The following UNC5D variants were observed in gnomAD, a reference collection of about 807,000 sequenced individuals.
UNC5D encodes the protein netrin receptor UNC5D.
Under a neutral mutation model 105.4 loss-of-function variants are expected in UNC5D, and 39 were observed. The ratio of observed to expected loss-of-function variants is 0.37; its 90% CI spans 0.29 to 0.48. The LOEUF is 0.48. Among genes scored for constraint, UNC5D ranks in the 20% least tolerant of loss-of-function variants. The pLI, the probability that UNC5D is intolerant of heterozygous loss-of-function variation, is 0.98. For synonymous variants in UNC5D, 452 were observed against 450.4 expected (o/e 1.00, Z -0.04); for missense variants, 991 against 1,202.4 (o/e 0.82, Z 2.60).
chr8:35,342,859 C>T (rs1811549627), intron 1 of UNC5D, among the ~76,000 whole-genome samples: 1 of 152,116 alleles, frequency 6.6e-6, no homozygotes, highest in South Asian at 2.1e-4. Flanking sequence ...TGTGCTATTT[C>T]AAAGTGTGCT....
chr8:35,683,558 G>T lies in UNC5D; in HGVS notation c.582G>T (p.Leu194=). ...EGVPAAEVEW[L]KNEEPIDSEQ... ...CTTTCTTCCTGTAGGTGGAATGGCT[G>T]AAAAATGAAGAGCCCATTGACTCTG... Residue 194 remains leucine (L), a synonymous_variant, in exon 5 of 17, where the codon CTG becomes CTT. Transcript: ENST00000404895. 1 of 1,556,742 alleles carries T rather than the reference G, an allele frequency of 6.4e-7. No individual in the cohort carries two copies. The highest frequency in any genetic ancestry group is 8.6e-7 in the Non-Finnish European group (1 of 1,160,276).
chr8:35,317,804 G>A (rs1002202754), intron 1 of UNC5D, among the ~76,000 whole-genome samples: 1 of 110,908 alleles, frequency 9.0e-6, no homozygotes, highest in Non-Finnish European at 2.2e-5. Flanking sequence ...GGCTAATATT[G>A]CCTTTTATGC....
intron 1 of UNC5D, among the ~76,000 whole-genome samples, chr8:35,419,532 T>C (rs1304725534): frequency 2.6e-5 from 4 of 151,978 alleles, no homozygotes; most frequent in Non-Finnish European, 5.9e-5. Context: ...CCCCAAAGGG[T>C]GTTGTGGCTT....
rs572459292 is a variant in UNC5D, at chr8:35,388,407, G to A, written c.103+152520G>A. Among the ~76,000 whole-genome samples, 8 of 152,038 alleles carry A rather than the reference G, an allele frequency of 5.3e-5. No individual in the cohort carries two copies. In the East Asian group the frequency reaches 1.5e-3, roughly 29 times the overall value. On this transcript the variant is annotated intron_variant, in intron 1 of 16. Coordinates refer to ENST00000404895, the MANE Select transcript of UNC5D (RefSeq NM_080872.4). ...CAAAAAAGGAAGTCTCTTAACCAAT[G>A]GCCCCTTTTCCCTAAGTTGCCTAGC...
Position 35,418,322 on chromosome 8 carries a change from G to A in UNC5D, c.104-130970G>A, listed in dbSNP as rs543635937. ...TCAGAGACTCAACCTGTTCCCTTGC[G>A]GATCTAGAGAGTTGCTGCCAACATT... On this transcript the variant is annotated intron_variant, in intron 1 of 16. Coordinates refer to ENST00000404895, the MANE Select transcript of UNC5D (RefSeq NM_080872.4). Among the ~76,000 whole-genome samples, 24 of 152,044 alleles carry A rather than the reference G, an allele frequency of 1.6e-4. 1 individual carries two copies. The highest frequency in any genetic ancestry group is 7.9e-4 in the Admixed American group (12 of 15,264).
intron 16 of UNC5D, among the ~76,000 whole-genome samples, chr8:35,781,019 A>G (rs576498871): frequency 6.6e-6 from 1 of 152,324 alleles, no homozygotes; most frequent in South Asian, 2.1e-4. Context: ...TCTAAGAAGA[A>G]TGATTGGATA....
intron 1 of UNC5D, among the ~76,000 whole-genome samples, chr8:35,378,344 T>C (rs1248633559): frequency 6.6e-6 from 1 of 152,162 alleles, no homozygotes; most frequent in South Asian, 2.1e-4. Flanking sequence ...TTCCCTGGAG[T>C]GTCTGATCTT....
At chr8:35,516,561 G>A (rs1813105964) in intron 1 of UNC5D, among the ~76,000 whole-genome samples, 1 of 152,212 alleles carries the variant, frequency 6.6e-6, no homozygotes, top group Non-Finnish European at 1.5e-5. Flanking sequence ...AAGCCAAACA[G>A]CCTTTGTACT....
intron 1 of UNC5D, among the ~76,000 whole-genome samples, chr8:35,276,937 C>T (rs926461324): frequency 1.3e-5 from 2 of 152,146 alleles, no homozygotes; most frequent in Admixed American, 6.5e-5. Flanking sequence ...CACCTGGACC[C>T]ATTTGGATTA....
At chr8:35,679,647 A>C (rs977127347) in intron 4 of UNC5D, among the ~76,000 whole-genome samples, 69 of 152,174 alleles carry the variant, frequency 4.5e-4, no homozygotes, top group African/African-American at 1.5e-3. Flanking sequence ...CTCAAGCTAG[A>C]AAGTGGCGTG....
At chr8:35,778,121 A>G (rs1802340449) in intron 16 of UNC5D, among the ~76,000 whole-genome samples, 1 of 152,200 alleles carries the variant, frequency 6.6e-6, no homozygotes, top group Non-Finnish European at 1.5e-5. Flanking sequence ...AAAGCTGACA[A>G]TGTCGGTATG....
rs562290363 is a variant in UNC5D, at chr8:35,265,346, T to TA, written c.103+29466dup. ...AGTAGGGATTGACAAGCTTTTTCTG[T>TA]AAAAAAAGATAGATAGTAAAAATAT... On this transcript the variant is annotated intron_variant, in intron 1 of 16. Coordinates refer to ENST00000404895, the MANE Select transcript of UNC5D (RefSeq NM_080872.4). 3.5e-3 allele frequency among the ~76,000 whole-genome samples: 527 copies of TA among 152,198 alleles called. 5 individuals carry two copies. Among genetic ancestry groups the TA allele is most frequent in the African/African-American group, 0.012 (510 of 41,546 alleles).
intron 4 of UNC5D, among the ~76,000 whole-genome samples, chr8:35,615,372 C>T (rs2131001735): frequency 6.6e-6 from 1 of 152,250 alleles, no homozygotes; most frequent in South Asian, 2.1e-4. Flanking sequence ...CATTATTTCT[C>T]CTTGCTTGGA....
chr8:35,566,423 C>G (rs551530913), intron 2 of UNC5D, among the ~76,000 whole-genome samples: 1 of 152,184 alleles, frequency 6.6e-6, no homozygotes, highest in South Asian at 2.1e-4. Context: ...GCTTCTATCC[C>G]CTGAATTTCT....
At chr8:35,410,572 CTT>C in intron 1 of UNC5D, among the ~76,000 whole-genome samples, 1 of 152,102 alleles carries the variant, frequency 6.6e-6, no homozygotes, top group Admixed American at 6.6e-5. Flanking sequence ...AAGAACATCT[CTT>C]TCAGTGATTA....
chr8:35,242,510 G>A (rs916934213), intron 1 of UNC5D, among the ~76,000 whole-genome samples: 7 of 152,088 alleles, frequency 4.6e-5, no homozygotes, highest in Admixed American at 1.3e-4. Context: ...ATGGGATCTC[G>A]CTCTGTCACC....
At chr8:35,333,374 A>G (rs1810776831) in intron 1 of UNC5D, among the ~76,000 whole-genome samples, 1 of 152,098 alleles carries the variant, frequency 6.6e-6, no homozygotes, top group South Asian at 2.1e-4. Context: ...TAAATCCCTT[A>G]ATTAGATAGG....
At chr8:35,642,211 G>A (rs552673062) in intron 4 of UNC5D, among the ~76,000 whole-genome samples, 1 of 152,170 alleles carries the variant, frequency 6.6e-6, no homozygotes, top group South Asian at 2.1e-4. Flanking sequence ...GAATTAACTG[G>A]GGTGCTGCTG....
At chr8:35,684,434 C>A in intron 5 of UNC5D, 148 bp from the exon 6 acceptor site, 1 of 837,028 alleles carries the variant, frequency 1.2e-6, no homozygotes, top group Non-Finnish European at 1.8e-6. Context: ...CCACTGTTGT[C>A]TCATAATGGA....
Sources: gnomAD v4.1 joint callset for allele counts (sites outside exome capture counted in the v4.1 genomes callset) on GRCh38, gnomAD v4.1.1 for gene constraint, MANE v1.5 for transcripts, NCBI Gene and HGNC (gene_info 2026-07-23, HGNC 2026-07-21) for gene names.